The following CFTR variants were observed in gnomAD, a reference collection of about 807,000 sequenced individuals.
CFTR encodes cystic fibrosis transmembrane conductance regulator.
CFTR carries 181 observed loss-of-function variants against 171.6 expected under a neutral mutation model. The observed-to-expected ratio is 1.05, with a 90% CI of 0.93 to 1.19. CFTR has a LOEUF of 1.19. Among genes scored for constraint, CFTR ranks in the 50% most tolerant of loss-of-function variants. The probability of loss-of-function intolerance (pLI) is 0.00; values close to 1 mark genes in which losing one functional copy is unlikely to be tolerated. For missense variants in CFTR, 1,968 were observed against 1,734.7 expected (o/e 1.13, Z -2.39); for synonymous variants, 583 against 608.0 (o/e 0.96, Z 0.60).
At chr7:117,596,601 T>C (rs1272584764) in intron 15 of CFTR, among the ~76,000 whole-genome samples, 1 of 152,216 alleles carries the variant, frequency 6.6e-6, no homozygotes, top group African/African-American at 2.4e-5. Context: ...TGGAGGATCT[T>C]TATGTCTAGC....
chr7:117,606,747 C>A lies in CFTR; in HGVS notation c.2982C>A (p.Phe994Leu), dbSNP rs373561883. The change falls in exon 18 of 27, where the codon TTC (phenylalanine) becomes TTA (leucine). Residue 994 changes from phenylalanine (F) to leucine (L), a missense_variant. By Grantham distance (22) the Phe-to-Leu change is conservative. Transcript: ENST00000003084. ...TTCTGCCTCTTACCATATTTGACTT[C>A]ATCCAGGTATGTAAAAATAAGTACC... ...DDLLPLTIFD[F>L]IQLLLIVIGA... 1.6e-5 allele frequency: 25 copies of A among 1,546,370 alleles called. No homozygotes were observed. The highest frequency in any genetic ancestry group is 2.1e-5 in the Non-Finnish European group (24 of 1,118,918).
At chr7:117,612,056 T>TAAA (rs1792415261) in intron 20 of CFTR, among the ~76,000 whole-genome samples, 8 of 126,838 alleles carry the variant, frequency 6.3e-5, no homozygotes, top group Non-Finnish European at 1.3e-4. Context: ...TATATATACA[T>TAAA]ATATATATAT....
intron 9 of CFTR, among the ~76,000 whole-genome samples, chr7:117,544,438 A>G (rs747290743): frequency 1.9e-4 from 29 of 152,332 alleles, no homozygotes; most frequent in Non-Finnish European, 3.5e-4. Flanking sequence ...CCCCCAGTAG[A>G]TAGCCTTGTC....
chr7:117,612,297 ATC>A (rs1792421050), intron 20 of CFTR, among the ~76,000 whole-genome samples: 1 of 150,418 alleles, frequency 6.6e-6, no homozygotes, highest in South Asian at 2.1e-4. Flanking sequence ...TTTTTTTTAA[ATC>A]TCTACTAGAT....
At chr7:117,639,257 A>T (rs982704932) in intron 22 of CFTR, among the ~76,000 whole-genome samples, 18 of 152,222 alleles carry the variant, frequency 1.2e-4, no homozygotes, top group African/African-American at 4.3e-4. Context: ...TTTTCAATGC[A>T]TGAAAAATGT....
chr7:117,523,384 T>G (rs913808685), intron 3 of CFTR, among the ~76,000 whole-genome samples: 20 of 151,210 alleles, frequency 1.3e-4, no homozygotes, highest in African/African-American at 4.1e-4. Context: ...GTTTTTTGTT[T>G]TTTTTTTTTT....
At chr7:117,509,188 T>C (rs1227927169) in intron 3 of CFTR, 46 bp downstream of exon 3, 1 of 1,120,814 alleles carries the variant, frequency 8.9e-7, no homozygotes. Flanking sequence ...ATAACTATAT[T>C]CATTTTTGTG....
In CFTR at chr7:117,587,794, C is replaced by G; in HGVS notation, c.1640C>G (p.Thr547Arg). Residue 547 changes from threonine to arginine, a missense_variant, in exon 12 of 27, where the codon ACA (threonine) becomes AGA (arginine). Physicochemically the swap from Thr to Arg is moderately conservative, Grantham distance 71. Coordinates refer to ENST00000003084, the MANE Select transcript of CFTR (RefSeq NM_000492.4). ...ATAGTTCTTGGAGAAGGTGGAATCA[C>G]ACTGAGTGGAGGTCAACGAGCAAGA... is the stretch of plus-strand genomic sequence containing the variant. ...DNIVLGEGGI[T>R]LSGGQRARIS... 1.2e-6 allele frequency: 2 copies of G among 1,611,588 alleles called. No individual in the cohort carries two copies. The highest frequency in any genetic ancestry group is 1.7e-6 in the Non-Finnish European group (2 of 1,177,894).
In CFTR at chr7:117,620,670, A is replaced by C. The variant is rs115033779; in HGVS notation, c.3468+5957A>C. Among the ~76,000 whole-genome samples, 767 of 152,320 alleles carry C rather than the reference A, an allele frequency of 5.0e-3. 10 individuals carry two copies. The highest frequency in any genetic ancestry group is 0.017 in the African/African-American group (711 of 41,576). On this transcript the variant is annotated intron_variant, in intron 21 of 26. Coordinates refer to ENST00000003084, the MANE Select transcript of CFTR (RefSeq NM_000492.4). Reference sequence around the variant, plus strand: ...AGAATGTTAAAAACAAACAAACAAAAAAAAAGGTTGAAAAGTTTAGAAAAT... The same window carrying C: ...AGAATGTTAAAAACAAACAAACAAACAAAAAGGTTGAAAAGTTTAGAAAAT...
chr7:117,505,434 C>A (rs920499581), intron 2 of CFTR, among the ~76,000 whole-genome samples: 1 of 152,278 alleles, frequency 6.6e-6, no homozygotes, highest in Middle Eastern at 3.4e-3. Context: ...CTTAGGAACT[C>A]AATGGGACCA....
chr7:117,509,060 A>G lies in CFTR; in HGVS notation c.191A>G (p.Lys64Arg). 6.2e-7 allele frequency: 1 copy of G among 1,612,572 alleles called. No homozygotes were observed. Among genetic ancestry groups the G allele is most frequent in the Non-Finnish European group, 8.5e-7 (1 of 1,178,868 alleles). ...EREWDRELAS[K>R]KNPKLINALR... ...GAATGGGATAGAGAGCTGGCTTCAA[A>G]GAAAAATCCTAAACTCATTAATGCC... is the stretch of plus-strand genomic sequence containing the variant. The change falls in exon 3 of 27, where the codon AAG becomes AGG. Residue 64 changes from lysine to arginine, a missense_variant. Coordinates refer to ENST00000003084, the MANE Select transcript of CFTR (RefSeq NM_000492.4).
chr7:117,507,886 G>C (rs1798446746), intron 2 of CFTR, among the ~76,000 whole-genome samples: 1 of 152,158 alleles, frequency 6.6e-6, no homozygotes. Flanking sequence ...CTGCCTCCTG[G>C]GTTCAAGCGA....
Position 117,509,051 on chromosome 7 carries a change from TG to T in CFTR, c.184del (p.Ala62LeufsTer29). 6.2e-7 allele frequency: 1 copy of T among 1,610,430 alleles called. No individual in the cohort carries two copies. The highest frequency in any genetic ancestry group is 8.5e-7 in the Non-Finnish European group (1 of 1,176,942). On this transcript the variant is annotated frameshift_variant, in exon 3 of 27. Transcript: ENST00000003084. LOFTEE classifies it high-confidence loss of function. The part of the protein sequence containing the change: ...EKLEREWDRE[L>X]ASKKNPKLIN... ...TTTTGCAGAGAATGGGATAGAGAGCTGGCTTCAAAGAAAAATCCTAAACTCA... is the reference window on the plus strand; with the variant it reads ...TTTTGCAGAGAATGGGATAGAGAGCTGCTTCAAAGAAAAATCCTAAACTCA...
At chr7:117,511,231 TCAA>T (rs887936709) in intron 3 of CFTR, among the ~76,000 whole-genome samples, 4 of 151,980 alleles carry the variant, frequency 2.6e-5, no homozygotes, top group African/African-American at 9.7e-5. Flanking sequence ...AGGACAGGAA[TCAA>T]CGAGATCTTC....
intron 24 of CFTR, among the ~76,000 whole-genome samples, chr7:117,662,889 G>A (rs1263554197): frequency 6.6e-6 from 1 of 152,160 alleles, no homozygotes; most frequent in East Asian, 1.9e-4. Context: ...GATCTCAGAG[G>A]AGAGTCTGGA....
At chr7:117,565,380 G>A (rs1237881289) in intron 11 of CFTR, among the ~76,000 whole-genome samples, 1 of 152,112 alleles carries the variant, frequency 6.6e-6, no homozygotes, top group Non-Finnish European at 1.5e-5. Context: ...TGACAATACC[G>A]CAGTCTACCA....
At chr7:117,497,027 T>A (rs991394337) in intron 1 of CFTR, among the ~76,000 whole-genome samples, 4 of 152,226 alleles carry the variant, frequency 2.6e-5, no homozygotes, top group African/African-American at 9.6e-5. Context: ...TTTTTTGTTA[T>A]TGCTGTTTGT....
At chr7:117,631,357 C>T (rs2116139179) in intron 22 of CFTR, among the ~76,000 whole-genome samples, 1 of 152,180 alleles carries the variant, frequency 6.6e-6, no homozygotes, top group East Asian at 1.9e-4. Context: ...CTTTGTTATT[C>T]ATATCAAGCC....
intron 23 of CFTR, among the ~76,000 whole-genome samples, chr7:117,649,461 C>G (rs947126512): frequency 7.0e-6 from 1 of 142,656 alleles, no homozygotes; most frequent in African/African-American, 2.6e-5. Flanking sequence ...TACATACATG[C>G]ATATATCTGT....
Sources: allele counts gnomAD v4.1 joint callset (sites outside exome capture counted in the v4.1 genomes callset), GRCh38; gene constraint gnomAD v4.1.1; transcripts MANE v1.5; gene names NCBI Gene and HGNC (gene_info 2026-07-23, HGNC 2026-07-21).